GSK3B: variants seen among roughly 807,000 people sequenced by gnomAD.
GSK3B encodes the protein glycogen synthase kinase-3 beta.
Under a neutral mutation model 56.4 loss-of-function variants are expected in GSK3B, and 15 were observed. The ratio of observed to expected loss-of-function variants is 0.27; its 90% CI spans 0.18 to 0.41. GSK3B has a LOEUF of 0.41. Among genes scored for constraint, GSK3B ranks in the 10% least tolerant of loss-of-function variants. The probability of loss-of-function intolerance (pLI) is 1.00; values close to 1 mark genes in which losing one functional copy is unlikely to be tolerated. For synonymous variants in GSK3B, 181 were observed against 188.9 expected (o/e 0.96, Z 0.34); for missense variants, 300 against 513.4 (o/e 0.58, Z 4.02).
intron 7 of GSK3B, among the ~76,000 whole-genome samples, chr3:119,886,568 C>G (rs2056438488): frequency 6.6e-6 from 1 of 151,974 alleles, no homozygotes; most frequent in African/African-American, 2.4e-5. Flanking sequence ...AAGATACAAC[C>G]ATTTGCATGT....
At chr3:119,973,409 T>TA (rs2057384719) in intron 2 of GSK3B, among the ~76,000 whole-genome samples, 1 of 152,232 alleles carries the variant, frequency 6.6e-6, no homozygotes, top group Admixed American at 6.5e-5. Flanking sequence ...ACCTGCCCGT[T>TA]AGTCATCGGC....
chr3:119,949,860 C>G (rs1163473565), intron 2 of GSK3B, among the ~76,000 whole-genome samples: 2 of 144,124 alleles, frequency 1.4e-5, no homozygotes, highest in Admixed American at 1.4e-4. Context: ...AAAAGTAGAT[C>G]AAGAGTTTCG....
At chr3:119,865,464 ATATTTTTTTTT>A (rs1364723827) in intron 8 of GSK3B, among the ~76,000 whole-genome samples, 19 of 28,526 alleles carry the variant, frequency 6.7e-4, no homozygotes, top group South Asian at 2.1e-3. Context: ...ATATATATAT[ATATTTTTTTTT>A]TTTTTTTTTT....
intron 1 of GSK3B, among the ~76,000 whole-genome samples, chr3:120,089,731 A>G (rs997142501): frequency 1.8e-4 from 28 of 152,206 alleles, no homozygotes; most frequent in African/African-American, 5.3e-4. Context: ...AGGATTACTA[A>G]TATTTTAACC....
intron 4 of GSK3B, among the ~76,000 whole-genome samples, chr3:119,920,830 T>C (rs1447356176): frequency 2.6e-5 from 4 of 152,230 alleles, no homozygotes; most frequent in Non-Finnish European, 5.9e-5. Context: ...TATGAACTCA[T>C]GGTGTATTTA....
At chr3:120,011,124 G>A (rs538608659) in intron 1 of GSK3B, among the ~76,000 whole-genome samples, 10 of 152,090 alleles carry the variant, frequency 6.6e-5, no homozygotes, top group South Asian at 2.1e-4. Context: ...ACTGAAAAAC[G>A]GAAAACAAAA....
chr3:120,007,705 C>T (rs1029070031), intron 1 of GSK3B, among the ~76,000 whole-genome samples: 14 of 152,154 alleles, frequency 9.2e-5, no homozygotes, highest in African/African-American at 3.4e-4. Context: ...AGGCATTCAA[C>T]AAAATTCAAC....
chr3:119,929,604 C>CAA (rs148503172), intron 3 of GSK3B, among the ~76,000 whole-genome samples: 6 of 151,682 alleles, frequency 4.0e-5, no homozygotes, highest in South Asian at 2.1e-4. Flanking sequence ...ACCATTTCTA[C>CAA]AAAAAAACAA....
intron 2 of GSK3B, among the ~76,000 whole-genome samples, chr3:119,980,510 G>A (rs773488201): frequency 5.9e-5 from 9 of 151,968 alleles, no homozygotes; most frequent in Admixed American, 1.3e-4. Context: ...GTGCCACCAC[G>A]CCCGGGGAAT....
At chr3:120,090,464 C>G (rs1208421192) in intron 1 of GSK3B, among the ~76,000 whole-genome samples, 1 of 152,156 alleles carries the variant, frequency 6.6e-6, no homozygotes, top group Non-Finnish European at 1.5e-5. Flanking sequence ...CACCTCAGCA[C>G]TTTCTCAATT....
At chr3:119,963,075 A>C (rs1269348731) in intron 2 of GSK3B, among the ~76,000 whole-genome samples, 1 of 152,176 alleles carries the variant, frequency 6.6e-6, no homozygotes, top group Non-Finnish European at 1.5e-5. Flanking sequence ...TCCAAAAAAA[A>C]GTTTAAGAAA....
At chr3:119,865,303 G>C (rs1195845339) in intron 8 of GSK3B, among the ~76,000 whole-genome samples, 1 of 151,440 alleles carries the variant, frequency 6.6e-6, no homozygotes, top group African/African-American at 2.4e-5. Flanking sequence ...ACCAAAAGTA[G>C]AAATAAATAT....
intron 1 of GSK3B, among the ~76,000 whole-genome samples, chr3:120,022,236 G>A (rs1419908253): frequency 6.6e-6 from 1 of 152,156 alleles, no homozygotes; most frequent in African/African-American, 2.4e-5. Flanking sequence ...ATGACTATTC[G>A]CTGAAGGCTC....
At chr3:120,020,888 GA>G (rs1487181069) in intron 1 of GSK3B, among the ~76,000 whole-genome samples, 4 of 152,204 alleles carry the variant, frequency 2.6e-5, no homozygotes, top group African/African-American at 7.2e-5. Flanking sequence ...TGAATGACAA[GA>G]AAGTAAAACA....
chr3:119,954,310 A>AAACAG (rs55993320), intron 2 of GSK3B, among the ~76,000 whole-genome samples: 145 of 149,260 alleles, frequency 9.7e-4, no homozygotes, highest in African/African-American at 3.2e-3. Context: ...AATAGAAAAG[A>AAACAG]AACAGAACAG....
chr3:119,853,957 T>A (rs143310068), intron 9 of GSK3B, among the ~76,000 whole-genome samples: 6 of 152,354 alleles, frequency 3.9e-5, no homozygotes, highest in African/African-American at 1.2e-4. Flanking sequence ...CAACGCTATG[T>A]TGAATAGGAC....
chr3:119,996,156 T>A (rs1389118640), intron 2 of GSK3B, among the ~76,000 whole-genome samples: 1 of 152,240 alleles, frequency 6.6e-6, no homozygotes, highest in Non-Finnish European at 1.5e-5. Flanking sequence ...AACCGCTCAT[T>A]AGACAAAACT....
At chr3:120,012,631 G>C (rs1314137857) in intron 1 of GSK3B, among the ~76,000 whole-genome samples, 2 of 152,118 alleles carry the variant, frequency 1.3e-5, no homozygotes, top group East Asian at 3.8e-4. Flanking sequence ...TGAAAAGACG[G>C]TATACAACAG....
chr3:119,988,220 C>A (rs2107462455), intron 2 of GSK3B, among the ~76,000 whole-genome samples: 1 of 152,272 alleles, frequency 6.6e-6, no homozygotes. Flanking sequence ...ACTAAACTAA[C>A]AGGAGACCAA....
Sources: gnomAD v4.1 joint callset for allele counts (sites outside exome capture counted in the v4.1 genomes callset) on GRCh38, gnomAD v4.1.1 for gene constraint, MANE v1.5 for transcripts, NCBI Gene and HGNC (gene_info 2026-07-23, HGNC 2026-07-21) for gene names.